Variants in SHC3 observed in about 807,000 individuals in gnomAD.
The protein encoded by SHC3 is SHC adaptor protein 3, also known as SHC-transforming protein 3.
Under a neutral mutation model 60.4 loss-of-function variants are expected in SHC3, and 15 were observed. The observed-to-expected ratio is 0.25, with a 90% CI of 0.17 to 0.38. The LOEUF is 0.38. Among genes scored for constraint, SHC3 ranks in the 10% least tolerant of loss-of-function variants. SHC3 has a pLI of 1.00. For synonymous variants in SHC3, 294 were observed against 325.9 expected, an observed-to-expected ratio of 0.90 and a Z score of 1.05; for missense variants, 677 against 786.1, an observed-to-expected ratio of 0.86 and a Z score of 1.66.
chr9:89,098,993 T>A (rs72748951), intron 2 of SHC3, among the ~76,000 whole-genome samples: 6,187 of 151,908 alleles, frequency 0.041, 177 homozygotes, highest in African/African-American at 0.079. Flanking sequence ...ATAAATTAAT[T>A]AATTAATTAA....
At chr9:89,157,899 T>C (rs1826648893) in intron 1 of SHC3, among the ~76,000 whole-genome samples, 1 of 152,138 alleles carries the variant, frequency 6.6e-6, no homozygotes, top group Admixed American at 6.6e-5. Context: ...ATAGGATATG[T>C]ATAGGTGTGA....
intron 1 of SHC3, among the ~76,000 whole-genome samples, chr9:89,158,529 T>C (rs1195287150): frequency 6.6e-6 from 1 of 152,210 alleles, no homozygotes; most frequent in African/African-American, 2.4e-5. Flanking sequence ...GTCCGTTAGA[T>C]CCTGTTGGTT....
intron 7 of SHC3, among the ~76,000 whole-genome samples, chr9:89,048,861 G>T (rs1824816019): frequency 6.6e-6 from 1 of 152,170 alleles, no homozygotes; most frequent in South Asian, 2.1e-4. Context: ...CTCTCGGATA[G>T]TACCCTGCGG....
At chr9:89,054,285 G>A (rs1359886740) in intron 6 of SHC3, among the ~76,000 whole-genome samples, 1 of 152,186 alleles carries the variant, frequency 6.6e-6, no homozygotes, top group African/African-American at 2.4e-5. Context: ...TCGGGGGCAG[G>A]CCCTGCAGAT....
chr9:89,101,621 T>TA lies in SHC3; in HGVS notation c.545+10934_545+10935insT, dbSNP rs1564144055. Among the ~76,000 whole-genome samples the TA allele has an allele frequency of 5.5e-3, 831 of 151,434 alleles. 8 individuals are homozygous for TA. Among genetic ancestry groups the TA allele is most frequent in the African/African-American group, 0.019 (775 of 41,430 alleles). On this transcript the variant is annotated intron_variant, in intron 2 of 11. Transcript: ENST00000375835. ...GAGATTTTCATATATATATATATAT[T>TA]TTTTTTAATTTGCCAATATGGGGAA...
intron 1 of SHC3, among the ~76,000 whole-genome samples, chr9:89,119,110 G>A (rs1361282981): frequency 6.6e-6 from 1 of 152,138 alleles, no homozygotes; most frequent in African/African-American, 2.4e-5. Flanking sequence ...AGGTAGGTCC[G>A]GAACTGAGTA....
intron 1 of SHC3, among the ~76,000 whole-genome samples, chr9:89,127,448 C>T (rs1826179996): frequency 6.6e-6 from 1 of 152,042 alleles, no homozygotes; most frequent in Non-Finnish European, 1.5e-5. Flanking sequence ...GCCTGGGGCT[C>T]CTTGAGAAAA....
rs371349438 is a variant in SHC3, at chr9:89,178,353, C to A, written c.108G>T (p.Ala36=). The part of the protein sequence containing the change: ...SVSGGGGKVS[A]ARATPAAAPY... ...GAGCCGCCGCCGGGGTCGCGCGCGCCGCCGAAACCTTGCCTCCGCCGCCGC... is the reference window on the plus strand; with the variant it reads ...GAGCCGCCGCCGGGGTCGCGCGCGCAGCCGAAACCTTGCCTCCGCCGCCGC... Residue 36 remains alanine, a synonymous_variant, in exon 1 of 12, where the codon GCG becomes GCT. Transcript: ENST00000375835. This position sits in a 1 kb window ranked among gnomAD's most constrained non-coding sequence, Gnocchi z 6.9. 2.8e-5 allele frequency: 45 copies of A among 1,594,116 alleles called. No homozygotes were observed. In the South Asian group the frequency reaches 4.8e-4, roughly 17 times the overall value.
chr9:89,056,653 C>A (rs901721744), intron 6 of SHC3, among the ~76,000 whole-genome samples: 1 of 152,244 alleles, frequency 6.6e-6, no homozygotes, highest in African/African-American at 2.4e-5. Context: ...CTTCGCCGCT[C>A]ACCCCACATC....
intron 1 of SHC3, among the ~76,000 whole-genome samples, chr9:89,173,496 T>G (rs1198389475): frequency 6.6e-6 from 1 of 152,276 alleles, no homozygotes; most frequent in African/African-American, 2.4e-5. Flanking sequence ...AGTTTTGTCG[T>G]AGCTTATCTT....
At chr9:89,078,607 A>G (rs1587714440) in intron 2 of SHC3, among the ~76,000 whole-genome samples, 1 of 152,098 alleles carries the variant, frequency 6.6e-6, no homozygotes, top group Non-Finnish European at 1.5e-5. Flanking sequence ...GTGGTTCTGC[A>G]TGGGGCAGGA....
chr9:89,046,430 C>T (rs893269228), intron 8 of SHC3, among the ~76,000 whole-genome samples: 1 of 152,106 alleles, frequency 6.6e-6, no homozygotes, highest in African/African-American at 2.4e-5. Flanking sequence ...GGACATAAAA[C>T]AAGGGAATGA....
At chr9:89,124,369 C>G (rs1277037919) in intron 1 of SHC3, among the ~76,000 whole-genome samples, 1 of 152,134 alleles carries the variant, frequency 6.6e-6, no homozygotes, top group Non-Finnish European at 1.5e-5. Flanking sequence ...AATCATTCTA[C>G]TATAAAGACA....
At chr9:89,093,725 G>A (rs1358628581) in intron 2 of SHC3, among the ~76,000 whole-genome samples, 27 of 152,110 alleles carry the variant, frequency 1.8e-4, no homozygotes. Context: ...GGGAACAGGG[G>A]CTTTCTTTGG....
intron 6 of SHC3, among the ~76,000 whole-genome samples, chr9:89,065,030 G>T (rs1270679238): frequency 6.6e-6 from 1 of 152,076 alleles, no homozygotes; most frequent in Non-Finnish European, 1.5e-5. Context: ...CCATCCAATG[G>T]GCTTTGGTTT....
chr9:89,156,564 A>C (rs972057814), intron 1 of SHC3, among the ~76,000 whole-genome samples: 1 of 152,172 alleles, frequency 6.6e-6, no homozygotes, highest in African/African-American at 2.4e-5. Context: ...AATAAACCAC[A>C]ACAACAAAAA....
In SHC3 at chr9:89,131,930, A is replaced by C. The variant is rs1010151431; in HGVS notation, c.475-19304T>G. Reference sequence around the variant, plus strand: ...CCAGGGCAATCAGGCAAGAGAAAGAAATAAAGGGTATTCAAATAGGAAAAG... The same window carrying C: ...CCAGGGCAATCAGGCAAGAGAAAGACATAAAGGGTATTCAAATAGGAAAAG... On this transcript the variant is annotated intron_variant, in intron 1 of 11. Transcript: ENST00000375835. 2.0e-5 allele frequency among the ~76,000 whole-genome samples: 3 copies of C among 152,218 alleles called. 1 individual carries two copies. The highest frequency in any genetic ancestry group is 4.4e-5 in the Non-Finnish European group (3 of 68,040).
intron 8 of SHC3, among the ~76,000 whole-genome samples, chr9:89,046,445 A>G (rs1293593072): frequency 1.3e-5 from 2 of 152,178 alleles, no homozygotes; most frequent in Non-Finnish European, 2.9e-5. Flanking sequence ...GAATGAATAA[A>G]ATAGAAAACT....
Position 89,175,177 on chromosome 9 carries a change from A to G in SHC3, c.474+2810T>C, listed in dbSNP as rs557877497. Among the ~76,000 whole-genome samples, 4 of 152,346 alleles carry G rather than the reference A, an allele frequency of 2.6e-5. No individual in the cohort carries two copies. In the East Asian group the frequency reaches 5.8e-4, roughly 22 times the overall value. ...CCTTGTTCTTTCTTTTACGTCACCAAAAGAAAAAAGGAAATGTCAAGATAC... is the reference window on the plus strand; with the variant it reads ...CCTTGTTCTTTCTTTTACGTCACCAGAAGAAAAAAGGAAATGTCAAGATAC... On this transcript the variant is annotated intron_variant, in intron 1 of 11. Coordinates refer to ENST00000375835, the MANE Select transcript of SHC3 (RefSeq NM_016848.6).
Sources: allele counts gnomAD v4.1 joint callset (sites outside exome capture counted in the v4.1 genomes callset), GRCh38; gene constraint gnomAD v4.1.1; non-coding constraint Gnocchi (gnomAD v3.1); transcripts MANE v1.5; gene names NCBI Gene and HGNC (gene_info 2026-07-23, HGNC 2026-07-21).